Variants in TMEM41B observed in about 807,000 individuals in gnomAD.
The protein encoded by TMEM41B is transmembrane protein 41B.
In TMEM41B, 18 loss-of-function variants were observed where a neutral mutation model predicts 31.9. The ratio of observed to expected loss-of-function variants is 0.56; its 90% CI spans 0.39 to 0.84. TMEM41B has a LOEUF of 0.84. TMEM41B is among the 40% of genes least tolerant of loss of function. The probability of loss-of-function intolerance (pLI) is 0.00; values close to 1 mark genes in which losing one functional copy is unlikely to be tolerated. For synonymous variants in TMEM41B, 144 were observed against 124.3 expected (o/e 1.16, Z -1.05); for missense variants, 322 against 348.0 (o/e 0.93, Z 0.59).
At position 9,309,790 on chromosome 11, in the gene TMEM41B, T is replaced by C. The variant is rs543091288; in HGVS notation, c.121+4531A>G. On this transcript the variant is annotated intron_variant, in intron 1 of 6. Transcript: ENST00000528080. ...ACAAAAAATTAGCCAGGCGTGGTGG[T>C]GGGTGCCTGTAGTCCCAGCTACTTG... Among the ~76,000 whole-genome samples, 88 of 150,004 alleles carry C rather than the reference T, an allele frequency of 5.9e-4. 4 individuals are homozygous for C. In the South Asian group the frequency reaches 0.018, roughly 31 times the overall value.
At chr11:9,304,316 G>T (rs962923058) in intron 1 of TMEM41B, among the ~76,000 whole-genome samples, 1 of 151,952 alleles carries the variant, frequency 6.6e-6, no homozygotes, top group African/African-American at 2.4e-5. Flanking sequence ...AATTCAATAC[G>T]TATCTTGAGG....
At chr11:9,288,215 A>C in intron 4 of TMEM41B, 1 of 410,834 alleles carries the variant, frequency 2.4e-6, no homozygotes, top group Non-Finnish European at 4.3e-6. Flanking sequence ...ACAAAATCCA[A>C]TAGGAAAGAA....
chr11:9,285,312 T>C (rs767023689), intron 6 of TMEM41B, among the ~76,000 whole-genome samples: 57 of 152,162 alleles, frequency 3.7e-4, no homozygotes, highest in Non-Finnish European at 5.7e-4. Flanking sequence ...CTCGAACTCT[T>C]GACCTTGTGA....
chr11:9,295,326 C>G lies in TMEM41B; in HGVS notation c.301G>C (p.Val101Leu). 6.2e-7 allele frequency: 1 copy of G among 1,600,474 alleles called. No homozygotes were observed. The highest frequency in any genetic ancestry group is 8.5e-7 in the Non-Finnish European group (1 of 1,171,974). The change falls in exon 3 of 7, where the codon GTT (valine) becomes CTT (leucine). Residue 101 changes from valine to leucine, a missense_variant. Physicochemically the swap from Val to Leu is conservative, Grantham distance 32. Transcript: ENST00000528080. ...AAGGTGTCCTTGTATTTGGATAAAA[C>G]TTTTCCTAGAGCCTTGGCATCATCC... ...DMDDAKALGK[V>L]LSKYKDTFYV...
At chr11:9,310,330 G>C (rs190209229) in intron 1 of TMEM41B, among the ~76,000 whole-genome samples, 1 of 151,940 alleles carries the variant, frequency 6.6e-6, no homozygotes, top group East Asian at 1.9e-4. Context: ...CACCATGTCA[G>C]CCTAAGTAAT....
chr11:9,309,237 A>C (rs2133650936), intron 1 of TMEM41B, among the ~76,000 whole-genome samples: 1 of 128,934 alleles, frequency 7.8e-6, no homozygotes, highest in Admixed American at 7.9e-5. Context: ...AAAGAGTGAA[A>C]CTCCATTTCA....
rs949361156 is a variant in TMEM41B at position 9,288,615 on chromosome 11, A to T, written c.369-80T>A. Reference sequence around the variant, plus strand: ...AAATGTAACATTTCAGGAAAAAAGTATAAATACAAAAATTATCATACAATG... The same window carrying T: ...AAATGTAACATTTCAGGAAAAAAGTTTAAATACAAAAATTATCATACAATG... On this transcript the variant is annotated intron_variant, in intron 3 of 6. Transcript: ENST00000528080. 20 of 1,038,152 alleles carry T rather than the reference A, an allele frequency of 1.9e-5. No individual in the cohort carries two copies. The African/African-American group carries it at 3.1e-4, about 16-fold the overall frequency. 64.3% of individuals were successfully genotyped at this position (1,038,152 alleles called of 1,614,324 possible).
At chr11:9,285,452 G>A (rs1346730729) in intron 6 of TMEM41B, among the ~76,000 whole-genome samples, 1 of 152,030 alleles carries the variant, frequency 6.6e-6, no homozygotes, top group Non-Finnish European at 1.5e-5. Context: ...ATTCTCACAA[G>A]TATTAACTTA....
At chr11:9,299,967 A>G (rs1432129530) in intron 1 of TMEM41B, among the ~76,000 whole-genome samples, 1 of 152,090 alleles carries the variant, frequency 6.6e-6, no homozygotes, top group Non-Finnish European at 1.5e-5. Context: ...TAAAAATACA[A>G]AATTAGCTGG....
At chr11:9,311,106 C>T (rs371764551) in intron 1 of TMEM41B, among the ~76,000 whole-genome samples, 2 of 152,266 alleles carry the variant, frequency 1.3e-5, no homozygotes, top group East Asian at 3.9e-4. Flanking sequence ...CAGGCCATGC[C>T]AATTCTCTTC....
At chr11:9,285,529 G>T (rs528328115) in intron 6 of TMEM41B, among the ~76,000 whole-genome samples, 1 of 152,064 alleles carries the variant, frequency 6.6e-6, no homozygotes, top group African/African-American at 2.4e-5. Context: ...AATTCAACTC[G>T]AACTGGAAAG....
At chr11:9,311,481 C>T (rs1853559548) in intron 1 of TMEM41B, 17 of 1,422,282 alleles carry the variant, frequency 1.2e-5, no homozygotes, top group Non-Finnish European at 1.6e-5. Context: ...GGATTGGCAT[C>T]CTGGATACCC....
chr11:9,297,355 G>A (rs1455731599), intron 2 of TMEM41B, among the ~76,000 whole-genome samples: 1 of 152,154 alleles, frequency 6.6e-6, no homozygotes, highest in African/African-American at 2.4e-5. Flanking sequence ...AAAGTACTGG[G>A]GTTACAGGCA....
intron 3 of TMEM41B, among the ~76,000 whole-genome samples, chr11:9,292,859 C>T (rs182709718): frequency 6.6e-6 from 1 of 152,188 alleles, no homozygotes; most frequent in East Asian, 2.0e-4. Context: ...GTAGCTGCAT[C>T]ATTTTGCATT....
intron 2 of TMEM41B, among the ~76,000 whole-genome samples, chr11:9,296,628 G>GAAAA (rs1853095547): frequency 7.0e-6 from 1 of 142,830 alleles, no homozygotes. Flanking sequence ...AAAAAAGAAA[G>GAAAA]AAAGAAAAAA....
chr11:9,284,916 T>A (rs1852802260), intron 6 of TMEM41B, among the ~76,000 whole-genome samples: 1 of 152,154 alleles, frequency 6.6e-6, no homozygotes, highest in Non-Finnish European at 1.5e-5. Context: ...TAAATTACTT[T>A]GGCCAAAGCT....
intron 1 of TMEM41B, among the ~76,000 whole-genome samples, chr11:9,303,182 A>T (rs921491600): frequency 1.4e-4 from 22 of 151,782 alleles, no homozygotes; most frequent in African/African-American, 4.6e-4. Flanking sequence ...ACACTGGCTA[A>T]TTTTTTTTGT....
At chr11:9,298,726 A>G (rs980197993) in intron 2 of TMEM41B, among the ~76,000 whole-genome samples, 1 of 151,650 alleles carries the variant, frequency 6.6e-6, no homozygotes, top group Non-Finnish European at 1.5e-5. Flanking sequence ...GCCAAAATCA[A>G]CACCACTTAC....
intron 3 of TMEM41B, among the ~76,000 whole-genome samples, chr11:9,294,013 A>C (rs897503148): frequency 6.7e-6 from 1 of 150,300 alleles, no homozygotes; most frequent in African/African-American, 2.5e-5. Flanking sequence ...AACATAGCAA[A>C]ACCTGGCATC....
Sources: allele counts gnomAD v4.1 joint callset (sites outside exome capture counted in the v4.1 genomes callset), GRCh38; gene constraint gnomAD v4.1.1; transcripts MANE v1.5; gene names NCBI Gene and HGNC (gene_info 2026-07-23, HGNC 2026-07-21).